Variants in CCDC32 observed in about 807,000 individuals in gnomAD.
The protein encoded by CCDC32 is coiled-coil domain containing 32.
CCDC32 carries 9 observed loss-of-function variants against 20.1 expected under a neutral mutation model. The observed-to-expected ratio is 0.45, with a 90% confidence interval of 0.27 to 0.78. The LOEUF (loss-of-function observed/expected upper bound fraction) is 0.78, where lower values mean the gene tolerates loss of function less well. Ranked by LOEUF, CCDC32 falls within the 30% of genes least tolerant of loss-of-function variation. The pLI is 0.16. For synonymous variants in CCDC32, 63 were observed against 79.0 expected (o/e 0.80, Z 1.07); for missense variants, 204 against 215.5 (o/e 0.95, Z 0.33).
At chr15:40,549,118 C>T (rs560195039), downstream of CCDC32, among the ~76,000 whole-genome samples, 353 of 152,228 alleles carry the variant, frequency 2.3e-3, no homozygotes, top group Middle Eastern at 0.01. Flanking sequence ...TATGGCAAAC[C>T]CATGGCAGCC....
At chr15:40,521,686 A>C in the CCDC32 span, among the ~76,000 whole-genome samples, 7 of 152,074 alleles carry the variant, frequency 4.6e-5, no homozygotes, top group Non-Finnish European at 1.0e-4. Context: ...CATCCTAATG[A>C]GTGTTAAGTG....
intron 3 of CCDC32, among the ~76,000 whole-genome samples, chr15:40,546,244 G>C (rs144460770): frequency 6.6e-6 from 1 of 150,894 alleles, no homozygotes. Context: ...CAGGCTGGAG[G>C]GCAGTGGCAT....
intron 3 of CCDC32, among the ~76,000 whole-genome samples, chr15:40,539,875 C>CAT (rs1054357106): frequency 6.6e-6 from 1 of 151,760 alleles, no homozygotes; most frequent in African/African-American, 2.4e-5. Flanking sequence ...CACACACACA[C>CAT]ACACACCCCG....
downstream of CCDC32, among the ~76,000 whole-genome samples, chr15:40,550,567 C>G (rs1889809427): frequency 6.6e-6 from 1 of 152,240 alleles, no homozygotes; most frequent in Non-Finnish European, 1.5e-5. Context: ...TGCCACTTCA[C>G]TAGCCTAAGA....
At chr15:40,539,374 C>A in intron 3 of CCDC32, 1 of 1,527,118 alleles carries the variant, frequency 6.5e-7, no homozygotes, top group South Asian at 1.2e-5. Flanking sequence ...ATAAGACAGA[C>A]CGACAGAGAC....
At chr15:40,549,972 C>T (rs1218731520), downstream of CCDC32, among the ~76,000 whole-genome samples, 2 of 152,176 alleles carry the variant, frequency 1.3e-5, no homozygotes, top group African/African-American at 2.4e-5. Context: ...GGGTGCACCT[C>T]GGCCACAGCT....
chr15:40,543,137 G>A (rs1263638722), intron 3 of CCDC32, among the ~76,000 whole-genome samples: 1 of 136,974 alleles, frequency 7.3e-6, no homozygotes, highest in Non-Finnish European at 1.7e-5. Context: ...GCCAGACTCT[G>A]TCTAAAAAAA....
chr15:40,556,221 G>A (rs1890227772), intron 3 of CCDC32, among the ~76,000 whole-genome samples: 1 of 152,188 alleles, frequency 6.6e-6, no homozygotes, highest in Non-Finnish European at 1.5e-5. Context: ...CTACTTGCAG[G>A]TACTGTTCAA....
downstream of CCDC32, chr15:40,535,735 C>T (rs1178195793): frequency 2.6e-6 from 2 of 783,656 alleles, no homozygotes; most frequent in Non-Finnish European, 3.1e-6. Flanking sequence ...TTTAATCATT[C>T]GTTCATCTTT....
chr15:40,555,959 TC>T (rs1190342487), intron 3 of CCDC32, among the ~76,000 whole-genome samples: 2 of 152,244 alleles, frequency 1.3e-5, no homozygotes, highest in African/African-American at 4.8e-5. Context: ...AGCCAACACT[TC>T]TATAGTGCTT....
chr15:40,552,481 CAA>C (rs58360713), downstream of CCDC32, among the ~76,000 whole-genome samples: 719 of 94,228 alleles, frequency 7.6e-3, 4 homozygotes, highest in African/African-American at 0.029. Context: ...AACTCCATCT[CAA>C]AAAAAAAAAA....
chr15:40,559,782 A>G (rs1306809457), intron 2 of CCDC32, among the ~76,000 whole-genome samples: 2 of 152,220 alleles, frequency 1.3e-5, no homozygotes, highest in African/African-American at 4.8e-5. Flanking sequence ...TCAAAAAATT[A>G]TTCCCAGGTT....
chr15:40,548,932 C>G (rs1206064301), downstream of CCDC32, among the ~76,000 whole-genome samples: 2 of 152,114 alleles, frequency 1.3e-5, no homozygotes, highest in Non-Finnish European at 2.9e-5. Flanking sequence ...ATGGGATACA[C>G]TGATTTGGCC....
At chr15:40,528,803 A>G in intron 3 of CCDC32, 1 of 698,480 alleles carries the variant, frequency 1.4e-6, no homozygotes, top group South Asian at 1.5e-5. Flanking sequence ...ATTAAAAAAA[A>G]GAGAAGAAAA....
At position 40,557,271 on chromosome 15, in the gene CCDC32, G is replaced by A; in HGVS notation, c.346C>T (p.Leu116Phe). 2 of 1,614,186 alleles carry A rather than the reference G, an allele frequency of 1.2e-6. No homozygotes were observed. Among genetic ancestry groups the A allele is most frequent in the African/African-American group, 2.7e-5 (2 of 75,060 alleles). Residue 116 changes from leucine (L) to phenylalanine (F), a missense_variant, in exon 3 of 4, where the codon CTC becomes TTC. Transcript: ENST00000416810. ...AACTCTGAAGCTAACTTCTCCTGGAGGAACCGATCCCAGCATTCCTTCTTG... is the reference window on the plus strand; with the variant it reads ...AACTCTGAAGCTAACTTCTCCTGGAAGAACCGATCCCAGCATTCCTTCTTG... ...QAKKECWDRFLQEKLASEFFV... is the reference protein window; with the variant it reads ...QAKKECWDRFFQEKLASEFFV...
chr15:40,544,088 A>G (rs1419914828), intron 3 of CCDC32, among the ~76,000 whole-genome samples: 1 of 152,072 alleles, frequency 6.6e-6, no homozygotes, highest in Non-Finnish European at 1.5e-5. Flanking sequence ...CCATTCTCAT[A>G]TGGTTCTGGT....
intron 2 of CCDC32, among the ~76,000 whole-genome samples, chr15:40,560,300 G>T (rs138683689): frequency 1.2e-4 from 19 of 152,268 alleles, no homozygotes; most frequent in Non-Finnish European, 2.4e-4. Flanking sequence ...GAGCCACCGT[G>T]CCCGGCCTAG....
At chr15:40,550,529 C>G (rs769332774), downstream of CCDC32, among the ~76,000 whole-genome samples, 8 of 152,234 alleles carry the variant, frequency 5.3e-5, no homozygotes, top group Non-Finnish European at 1.2e-4. Context: ...TAAAAGACAG[C>G]ACCCAAGACT....
chr15:40,564,779 A>G, intron 1 of CCDC32, 197 bp downstream of exon 1: 1 of 1,614,178 alleles, frequency 6.2e-7, no homozygotes, highest in Non-Finnish European at 8.5e-7. Context: ...AGAGCCCCGC[A>G]TGGCCCCTTA....
Sources: gnomAD v4.1 joint callset for allele counts (sites outside exome capture counted in the v4.1 genomes callset) on GRCh38, gnomAD v4.1.1 for gene constraint, MANE v1.5 for transcripts, NCBI Gene and HGNC (gene_info 2026-07-23, HGNC 2026-07-21) for gene names.